The following LRRC7 variants were observed in gnomAD, a reference collection of about 807,000 sequenced individuals.
LRRC7 encodes the protein leucine-rich repeat-containing protein 7.
In LRRC7, 23 loss-of-function variants were observed where a neutral mutation model predicts 175.7. That is an observed-to-expected ratio of 0.13 (90% CI 0.09 to 0.19). LRRC7 has a LOEUF of 0.19. Among genes scored for constraint, LRRC7 ranks in the 10% least tolerant of loss-of-function variants. The pLI is 1.00. For synonymous variants in LRRC7, 685 were observed against 680.9 expected, an observed-to-expected ratio of 1.01 and a Z score of -0.09; for missense variants, 1,354 against 1,904.7, an observed-to-expected ratio of 0.71 and a Z score of 5.38.
chr1:70,047,657 C>T (rs943168243), intron 22 of LRRC7, among the ~76,000 whole-genome samples: 7 of 151,834 alleles, frequency 4.6e-5, no homozygotes, highest in African/African-American at 1.7e-4. Flanking sequence ...AAATATTTTT[C>T]ATTTTTTCAT....
intron 1 of LRRC7, among the ~76,000 whole-genome samples, chr1:69,578,959 TAAA>T (rs1452023830): frequency 1.3e-5 from 2 of 148,272 alleles, no homozygotes; most frequent in Non-Finnish European, 3.0e-5. Flanking sequence ...TAAAATAAAA[TAAA>T]AAGAAATGCA....
At chr1:69,780,876 C>G (rs1673405858) in intron 3 of LRRC7, among the ~76,000 whole-genome samples, 1 of 152,158 alleles carries the variant, frequency 6.6e-6, no homozygotes, top group African/African-American at 2.4e-5. Context: ...CATCAATAAG[C>G]CTCTCACTGA....
At chr1:69,767,390 C>T (rs977687504) in intron 3 of LRRC7, among the ~76,000 whole-genome samples, 4 of 152,126 alleles carry the variant, frequency 2.6e-5, no homozygotes, top group African/African-American at 4.8e-5. Context: ...TATAGTCTTT[C>T]GTATACATAA....
intron 25 of LRRC7, 100 bp downstream of exon 25, chr1:70,089,919 C>T (rs1663898151): frequency 1.2e-6 from 1 of 839,544 alleles, no homozygotes; most frequent in Admixed American, 2.7e-5. Flanking sequence ...GTTGTGTTTT[C>T]ATGAGCTAGT....
chr1:69,665,662 A>G (rs1432568461), intron 1 of LRRC7, among the ~76,000 whole-genome samples: 3 of 151,010 alleles, frequency 2.0e-5, no homozygotes, highest in Admixed American at 6.6e-5. Flanking sequence ...CTGATTTTGT[A>G]TGTTGATTTT....
At chr1:69,691,493 A>G (rs761045672) in intron 2 of LRRC7, among the ~76,000 whole-genome samples, 5 of 152,104 alleles carry the variant, frequency 3.3e-5, no homozygotes, top group African/African-American at 7.2e-5. Context: ...ATAAAAAGGA[A>G]TGAATTATAA....
At chr1:69,995,940 A>G (rs1052344583) in intron 11 of LRRC7, among the ~76,000 whole-genome samples, 2 of 149,418 alleles carry the variant, frequency 1.3e-5, no homozygotes, top group African/African-American at 5.0e-5. Context: ...GGCTGGGTCA[A>G]ATGGTATTTC....
intron 7 of LRRC7, among the ~76,000 whole-genome samples, chr1:69,878,012 G>A (rs549945990): frequency 1.1e-3 from 172 of 152,196 alleles, no homozygotes; most frequent in African/African-American, 3.9e-3. Context: ...GGATGGCAGG[G>A]AAAAAGAGTC....
At chr1:69,882,625 T>TTC (rs1266775745) in intron 7 of LRRC7, among the ~76,000 whole-genome samples, 5 of 151,296 alleles carry the variant, frequency 3.3e-5, no homozygotes, top group Admixed American at 2.6e-4. Flanking sequence ...TTTTTTTTTT[T>TTC]AATTATACTT....
At chr1:69,791,927 T>C (rs1305732255) in intron 3 of LRRC7, 116 bp from the exon 4 acceptor site, 8 of 642,776 alleles carry the variant, frequency 1.2e-5, no homozygotes, top group Non-Finnish European at 2.2e-5. Flanking sequence ...GTGAGGCTTT[T>C]ATAACTGGCT....
chr1:70,050,576 T>G (rs1157621937), intron 22 of LRRC7, among the ~76,000 whole-genome samples: 1 of 152,022 alleles, frequency 6.6e-6, no homozygotes, highest in African/African-American at 2.4e-5. Flanking sequence ...AAGAATGTGG[T>G]GCAAAAAAAT....
chr1:70,121,801 C>T lies in LRRC7; in HGVS notation c.4642C>T (p.His1548Tyr). 1 of 1,610,940 alleles carries T rather than the reference C, an allele frequency of 6.2e-7. No homozygotes were observed. The highest frequency in any genetic ancestry group is 1.1e-5 in the South Asian group (1 of 90,950). ...ACAGGCAAATGGACACAGTTTTGTA[C>T]ATATGGAACATGAAAAAGCTGTATT... ...ILQANGHSFVHMEHEKAVLLL... is the reference protein window; with the variant it reads ...ILQANGHSFVYMEHEKAVLLL... The change falls in exon 27 of 27, where the codon CAT becomes TAT. Residue 1548 changes from histidine to tyrosine, a missense_variant. Physicochemically the swap from His to Tyr is moderately conservative, Grantham distance 83. Transcript: ENST00000651989.
chr1:69,804,410 T>C (rs149444042), intron 4 of LRRC7, among the ~76,000 whole-genome samples: 2 of 151,620 alleles, frequency 1.3e-5, no homozygotes, highest in East Asian at 3.9e-4. Flanking sequence ...TTGAAATATT[T>C]ACCTTCTTGG....
rs79916519 is a variant in LRRC7 at position 70,137,675 on chromosome 1, A to T, written c.*15788A>T. ...GTATAAAAACTAAAGAATGCCTGGA[A>T]CTATGCAGACATAGATCAAGTCTCA... On this transcript the variant is annotated 3_prime_UTR_variant, in exon 27 of 27. Coordinates refer to ENST00000651989, the MANE Select transcript of LRRC7 (RefSeq NM_001370785.2). 4.7e-3 allele frequency among the ~76,000 whole-genome samples: 710 copies of T among 152,362 alleles called. 5 individuals carry two copies. Among genetic ancestry groups the T allele is most frequent in the African/African-American group, 0.017 (696 of 41,586 alleles).
intron 7 of LRRC7, among the ~76,000 whole-genome samples, chr1:69,906,946 T>C (rs1355608408): frequency 1.3e-5 from 2 of 152,068 alleles, no homozygotes; most frequent in Non-Finnish European, 2.9e-5. Flanking sequence ...TGAGCAGTGG[T>C]TTGTAGTTCT....
At chr1:69,765,482 G>T (rs1047948983) in intron 3 of LRRC7, among the ~76,000 whole-genome samples, 7 of 152,022 alleles carry the variant, frequency 4.6e-5, no homozygotes, top group Admixed American at 3.9e-4. Flanking sequence ...CTCTTGCAAT[G>T]GTCACCCAAG....
chr1:69,577,762 A>AT (rs200998220), intron 1 of LRRC7, among the ~76,000 whole-genome samples: 3,051 of 152,252 alleles, frequency 0.02, 47 homozygotes, highest in Non-Finnish European at 0.03. Flanking sequence ...TACCAATGCC[A>AT]TGCTGTTTTG....
In LRRC7 at chr1:69,616,707, C is replaced by A. The variant is rs1649677493; in HGVS notation, c.2+48066C>A. Among the ~76,000 whole-genome samples the A allele has an allele frequency of 2.0e-5, 3 of 151,948 alleles. No homozygotes were observed. In the South Asian group the frequency reaches 6.2e-4, roughly 32 times the overall value. On this transcript the variant is annotated intron_variant, in intron 1 of 26. Transcript: ENST00000651989. Reference sequence around the variant, plus strand: ...AGTGACCAGCTTAGTTTAGGCTCTGCCTTAAAGATATGCTGTCAAAAATGT... The same window carrying A: ...AGTGACCAGCTTAGTTTAGGCTCTGACTTAAAGATATGCTGTCAAAAATGT...
chr1:69,729,073 AACTC>A (rs1441768439), intron 2 of LRRC7, among the ~76,000 whole-genome samples: 1 of 152,100 alleles, frequency 6.6e-6, no homozygotes, highest in East Asian at 1.9e-4. Context: ...ATCTCATGAA[AACTC>A]ACTCACTATC....
Sources: allele counts gnomAD v4.1 joint callset (sites outside exome capture counted in the v4.1 genomes callset), GRCh38; gene constraint gnomAD v4.1.1; transcripts MANE v1.5; gene names NCBI Gene and HGNC (gene_info 2026-07-23, HGNC 2026-07-21).